RUNX2: variants seen among roughly 807,000 people sequenced by gnomAD.
RUNX2 encodes RUNX family transcription factor 2.
RUNX2 carries 10 observed loss-of-function variants against 51.7 expected under a neutral mutation model. The observed-to-expected ratio is 0.19, with a 90% confidence interval of 0.12 to 0.33. The LOEUF (loss-of-function observed/expected upper bound fraction) is 0.33, where lower values mean the gene tolerates loss of function less well. Among genes scored for constraint, RUNX2 ranks in the 10% least tolerant of loss-of-function variants. The pLI, the probability that RUNX2 is intolerant of heterozygous loss-of-function variation, is 1.00. For synonymous variants in RUNX2, 276 were observed against 273.6 expected, an observed-to-expected ratio of 1.01 and a Z score of -0.09; for missense variants, 562 against 691.3, an observed-to-expected ratio of 0.81 and a Z score of 2.10.
At chr6:45,388,585 A>G (rs1280047465) in intron 2 of RUNX2, among the ~76,000 whole-genome samples, 2 of 152,200 alleles carry the variant, frequency 1.3e-5, no homozygotes, top group Non-Finnish European at 2.9e-5. Context: ...CTTGCACTAG[A>G]GCATCTACAG....
intron 2 of RUNX2, among the ~76,000 whole-genome samples, chr6:45,343,207 T>C (rs750042457): frequency 6.6e-6 from 1 of 152,166 alleles, no homozygotes; most frequent in Non-Finnish European, 1.5e-5. Flanking sequence ...ACCTGAAAGC[T>C]TGTTAAAAAT....
chr6:45,411,926 A>G (rs1347312798), intron 2 of RUNX2, among the ~76,000 whole-genome samples: 1 of 152,204 alleles, frequency 6.6e-6, no homozygotes, highest in East Asian at 1.9e-4. Flanking sequence ...CATCTCATTC[A>G]GTGTGCTTTA....
intron 2 of RUNX2, among the ~76,000 whole-genome samples, chr6:45,399,425 T>A (rs1423898923): frequency 3.0e-5 from 4 of 135,388 alleles, no homozygotes; most frequent in Non-Finnish European, 3.1e-5. Context: ...AGTGGCACGA[T>A]CTTGGCTCAC....
intron 6 of RUNX2, among the ~76,000 whole-genome samples, chr6:45,504,844 A>G (rs1430241357): frequency 6.6e-6 from 1 of 152,164 alleles, no homozygotes; most frequent in African/African-American, 2.4e-5. Context: ...AGTTTTCTCA[A>G]GAAATATTTG....
intron 2 of RUNX2, among the ~76,000 whole-genome samples, chr6:45,372,270 T>C (rs189414072): frequency 3.0e-4 from 46 of 152,308 alleles, no homozygotes; most frequent in Admixed American, 2.9e-3. Context: ...ATAGGTTACA[T>C]AAAATAACAT....
intron 7 of RUNX2, among the ~76,000 whole-genome samples, chr6:45,521,075 A>G (rs1801493720): frequency 6.6e-6 from 1 of 152,198 alleles, no homozygotes; most frequent in African/African-American, 2.4e-5. Context: ...TAAGCTTCTT[A>G]AGGACAGTGG....
At chr6:45,360,325 G>A (rs905278815) in intron 2 of RUNX2, among the ~76,000 whole-genome samples, 1 of 152,182 alleles carries the variant, frequency 6.6e-6, no homozygotes, top group African/African-American at 2.4e-5. Context: ...GAGAGTGCCT[G>A]GTACACAGCA....
chr6:45,396,955 A>G (rs1395154570), intron 2 of RUNX2, among the ~76,000 whole-genome samples: 1 of 152,144 alleles, frequency 6.6e-6, no homozygotes, highest in Admixed American at 6.5e-5. Flanking sequence ...ATTATGAATA[A>G]TGCTGCTATA....
At chr6:45,422,565 G>A (rs1284446843) in intron 2 of RUNX2, 28 bp from the exon 3 acceptor site, 2 of 1,567,082 alleles carry the variant, frequency 1.3e-6, no homozygotes, top group Non-Finnish European at 1.7e-6. Context: ...TCGCTAACTT[G>A]TGGCTGTTGT....
At chr6:45,451,542 T>G (rs1184293313) in intron 5 of RUNX2, among the ~76,000 whole-genome samples, 1 of 152,220 alleles carries the variant, frequency 6.6e-6, no homozygotes, top group African/African-American at 2.4e-5. Context: ...CCTATGAGGA[T>G]AAGTTGAAAG....
intron 2 of RUNX2, among the ~76,000 whole-genome samples, chr6:45,397,936 C>T (rs1797617816): frequency 6.6e-6 from 1 of 152,060 alleles, no homozygotes. Flanking sequence ...TTTAGTGTTC[C>T]CTGCGTGTGA....
intron 2 of RUNX2, among the ~76,000 whole-genome samples, chr6:45,407,279 A>G (rs756933711): frequency 2.4e-4 from 36 of 151,714 alleles, no homozygotes; most frequent in Admixed American, 5.9e-4. Context: ...CGAACTCCTG[A>G]GCTCAGGTGA....
chr6:45,389,486 A>G lies in RUNX2; in HGVS notation c.59-33107A>G, dbSNP rs543189862. Among the ~76,000 whole-genome samples the G allele has an allele frequency of 2.6e-5, 4 of 152,344 alleles. No individual in the cohort carries two copies. The South Asian group carries it at 8.3e-4, about 32-fold the overall frequency. ...CTTGCTTAAAGAAATATGGCATAAT[A>G]TGTAGAAATCCATATTTGTAAATCA... On this transcript the variant is annotated intron_variant, in intron 2 of 8. Coordinates refer to ENST00000647337, the MANE Select transcript of RUNX2 (RefSeq NM_001024630.4).
rs532943356 is a variant in RUNX2, at chr6:45,422,974, C to A, written c.423+17C>A. ...GCCTTCAAGGTAAGAGGCTACACCG[C>A]CCCCCGCCCCCGGCCGGGAGCGGCG... On this transcript the variant is annotated intron_variant, in intron 3 of 8. Coordinates refer to ENST00000647337, the MANE Select transcript of RUNX2 (RefSeq NM_001024630.4). The A allele has an allele frequency of 3.1e-6, 5 of 1,604,970 alleles. No homozygotes were observed. The African/African-American group carries it at 5.4e-5, about 17-fold the overall frequency.
At chr6:45,331,951 G>A (rs1414995638) in intron 2 of RUNX2, among the ~76,000 whole-genome samples, 1 of 151,954 alleles carries the variant, frequency 6.6e-6, no homozygotes, top group African/African-American at 2.4e-5. Flanking sequence ...AATATTTGAT[G>A]GTTAAATAAA....
intron 6 of RUNX2, among the ~76,000 whole-genome samples, chr6:45,496,639 G>A (rs533749613): frequency 6.6e-6 from 1 of 152,236 alleles, no homozygotes; most frequent in South Asian, 2.1e-4. Context: ...CTAGATTATG[G>A]GGAGTCTTGG....
intron 2 of RUNX2, among the ~76,000 whole-genome samples, chr6:45,398,464 A>G (rs1797628843): frequency 6.6e-6 from 1 of 152,216 alleles, no homozygotes; most frequent in Non-Finnish European, 1.5e-5. Flanking sequence ...TTTTGAAACC[A>G]ATATATATAA....
At chr6:45,340,361 T>C (rs1053009859) in intron 2 of RUNX2, among the ~76,000 whole-genome samples, 1 of 152,142 alleles carries the variant, frequency 6.6e-6, no homozygotes, top group Non-Finnish European at 1.5e-5. Flanking sequence ...TCTCACTCTG[T>C]CACCCAGGCT....
intron 2 of RUNX2, among the ~76,000 whole-genome samples, chr6:45,382,813 C>T (rs1797270767): frequency 6.6e-6 from 1 of 152,168 alleles, no homozygotes; most frequent in Non-Finnish European, 1.5e-5. Flanking sequence ...GGTCCTATTG[C>T]AGTAACCCAG....
Sources: gnomAD v4.1 joint callset for allele counts (sites outside exome capture counted in the v4.1 genomes callset) on GRCh38, gnomAD v4.1.1 for gene constraint, MANE v1.5 for transcripts, NCBI Gene and HGNC (gene_info 2026-07-23, HGNC 2026-07-21) for gene names.